FLNC: variants seen among roughly 807,000 people sequenced by gnomAD.
FLNC encodes the protein filamin C.
Under a neutral mutation model 254.3 loss-of-function variants are expected in FLNC, and 91 were observed. The ratio of observed to expected loss-of-function variants is 0.36; its 90% CI spans 0.30 to 0.43. FLNC has a LOEUF of 0.43. Ranked by LOEUF, FLNC falls within the 20% of genes least tolerant of loss-of-function variation. The pLI is 1.00. For missense variants in FLNC, 2,853 were observed against 3,802.6 expected (o/e 0.75, Z 6.57); for synonymous variants, 1,430 against 1,577.2 (o/e 0.91, Z 2.21).
In FLNC at chr7:128,850,091, C is replaced by A. The variant is rs947138277; in HGVS notation, c.5298+17C>A. On this transcript the variant is annotated intron_variant, in intron 31 of 47. Transcript: ENST00000325888. ...ACACACTGGGTACTGCGCCTCCCAC[C>A]AGGCGATGTCCTCCTCCTCCTCCCC... The A allele has an allele frequency of 6.7e-7, 1 of 1,498,560 alleles. No homozygotes were observed. The highest frequency in any genetic ancestry group is 9.0e-7 in the Non-Finnish European group (1 of 1,110,982). The allele number at this position is 1,498,560 out of a possible 1,614,324, so 92.8% of individuals were successfully genotyped here. A position where few individuals can be genotyped will look rare whatever the true frequency, so the allele number is the denominator to read the frequency against.
At chr7:128,834,154 C>A (rs1808000202) in intron 1 of FLNC, among the ~76,000 whole-genome samples, 1 of 152,242 alleles carries the variant, frequency 6.6e-6, no homozygotes, top group African/African-American at 2.4e-5. Context: ...TGTCTTCCAC[C>A]CCCTTCCAGC....
chr7:128,851,772 T>C, intron 35 of FLNC, 144 bp downstream of exon 35: 2 of 828,646 alleles, frequency 2.4e-6, no homozygotes, highest in East Asian at 2.7e-5. Flanking sequence ...TTTTGATAAA[T>C]GTAAAAACAC....
At chr7:128,848,170 C>T in intron 26 of FLNC, 102 bp downstream of exon 26, 2 of 1,406,740 alleles carry the variant, frequency 1.4e-6, no homozygotes, top group Admixed American at 2.0e-5. Context: ...GAGAGCCTCT[C>T]CCAGCTCTCA....
chr7:128,843,608 G>C, intron 18 of FLNC, 31 bp downstream of exon 18: 1 of 1,612,786 alleles, frequency 6.2e-7, no homozygotes, highest in Non-Finnish European at 8.5e-7. Context: ...GCTACCGCCC[G>C]GCCGGCCCGC....
chr7:128,849,774 C>T (rs999081116), intron 30 of FLNC, among the ~76,000 whole-genome samples, 196 bp downstream of exon 30: 3 of 152,208 alleles, frequency 2.0e-5, no homozygotes, highest in African/African-American at 7.2e-5. Context: ...GGCCCTGCCC[C>T]CTGCCCAGTG....
rs535284172 is a variant in FLNC, at chr7:128,833,610, A to G, written c.353-1716A>G. Among the ~76,000 whole-genome samples the G allele has an allele frequency of 1.2e-4, 17 of 137,882 alleles. No individual in the cohort carries two copies. The East Asian group carries it at 3.7e-3, about 30-fold the overall frequency. 90.5% of individuals were successfully genotyped at this position (137,882 alleles called of 152,430 possible). A position where few individuals can be genotyped will look rare whatever the true frequency, so the allele number is the denominator to read the frequency against. On this transcript the variant is annotated intron_variant, in intron 1 of 47. Transcript: ENST00000325888. ...AAATATGAATGACCACCCTCCCCAT[A>G]TACACACCGCCCCCCCCAACCCCTG...
chr7:128,841,059 G>T lies in FLNC; in HGVS notation c.1813+89G>T, dbSNP rs1275802282. ...TAATGGGTGCAGTGCGCATGCTGGG[G>T]AGCGCTGGGGTGAGCAGGGAGATAG... On this transcript the variant is annotated intron_variant, in intron 11 of 47. Coordinates refer to ENST00000325888, the MANE Select transcript of FLNC (RefSeq NM_001458.5). The surrounding 1 kb of genome is among the most constrained non-coding windows in gnomAD (Gnocchi z 4.3). The T allele has an allele frequency of 1.9e-6, 3 of 1,566,720 alleles. No homozygotes were observed. The highest frequency in any genetic ancestry group is 3.5e-5 in the Admixed American group (2 of 56,694).
Position 128,846,880 on chromosome 7 carries a change from C to A in FLNC, c.4263C>A (p.Ile1421=), listed in dbSNP as rs1388363531. The A allele has an allele frequency of 6.2e-7, 1 of 1,614,122 alleles. No individual in the cohort carries two copies. Among genetic ancestry groups the A allele is most frequent in the Non-Finnish European group, 8.5e-7 (1 of 1,180,036 alleles). Residue 1421 remains isoleucine, a synonymous_variant, in exon 24 of 48, where the codon ATC becomes ATA. Transcript: ENST00000325888. ...CTCCTGGAGACTATGACGTCAACAT[C>A]ACCTTCGGGGGGCGGCCCATCCCAG... ...PFTPGDYDVN[I]TFGGRPIPGS...
Position 128,849,168 on chromosome 7 carries a change from T to G in FLNC, c.4928-13T>G. ...TGAGCACCGCCTGGCCTCACACTCT[T>G]CTCTCTTTCCAGTGTCCATTGGAGG... On this transcript the variant is annotated splice_polypyrimidine_tract_variant and intron_variant, in intron 28 of 47. Transcript: ENST00000325888. 1 of 1,613,152 alleles carries G rather than the reference T, an allele frequency of 6.2e-7. No homozygotes were observed. Among genetic ancestry groups the G allele is most frequent in the Non-Finnish European group, 8.5e-7 (1 of 1,179,876 alleles).
chr7:128,851,013 C>A, intron 33 of FLNC, 70 bp downstream of exon 33: 2 of 1,584,768 alleles, frequency 1.3e-6, no homozygotes, highest in Non-Finnish European at 1.7e-6. Flanking sequence ...TCCTGCCTTC[C>A]CTCTTTCAAC....
chr7:128,842,931 A>G lies in FLNC; in HGVS notation c.2527A>G (p.Ile843Val), dbSNP rs973425855. 6 of 1,613,994 alleles carry G rather than the reference A, an allele frequency of 3.7e-6. No individual in the cohort carries two copies. In the East Asian group the frequency reaches 1.3e-4, roughly 36 times the overall value. Residue 843 changes from isoleucine (I) to valine (V), a missense_variant, in exon 16 of 48, where the codon ATC (isoleucine) becomes GTC (valine). By Grantham distance (29) the Ile-to-Val change is conservative. Around this residue, in one of 10 missense-constraint regions of FLNC, gnomAD observed 1,573 missense variants for 1,883.5 expected, o/e 0.84. Coordinates refer to ENST00000325888, the MANE Select transcript of FLNC (RefSeq NM_001458.5). This position sits in a 1 kb window ranked among gnomAD's most constrained non-coding sequence, Gnocchi z 5.4. ...YTPPGAGRYTIMVLFANQEIP... is the reference protein window; with the variant it reads ...YTPPGAGRYTVMVLFANQEIP... ...GCCACCAGGGGCGGGCCGCTACACC[A>G]TCATGGTGCTGTTTGCCAACCAGGT... is the stretch of plus-strand genomic sequence containing the variant.
At position 128,837,163 on chromosome 7, in the gene FLNC, T is replaced by C; in HGVS notation, c.605T>C (p.Leu202Pro). ...GALVDNCAPG[L>P]CPDWEAWDPN... ...TCTCCCTCCATCACCTCTCCAGGTC[T>C]CTGCCCCGACTGGGAGGCCTGGGAC... Residue 202 changes from leucine to proline, a missense_variant, in exon 3 of 48, where the codon CTC becomes CCC. Coordinates refer to ENST00000325888, the MANE Select transcript of FLNC (RefSeq NM_001458.5). 6.3e-7 allele frequency: 1 copy of C among 1,598,290 alleles called. No individual in the cohort carries two copies. The highest frequency in any genetic ancestry group is 8.5e-7 in the Non-Finnish European group (1 of 1,172,870).
In FLNC at chr7:128,844,309, G is replaced by C. The variant is rs149122601; in HGVS notation, c.3192+43G>C. ...GGTTGGGGCTGGGAGTTGGGGACTTGTTGGGAAGATAGATGAGTCATAGGG... is the reference window on the plus strand; with the variant it reads ...GGTTGGGGCTGGGAGTTGGGGACTTCTTGGGAAGATAGATGAGTCATAGGG... On this transcript the variant is annotated intron_variant, in intron 20 of 47. Transcript: ENST00000325888. 1.9e-4 allele frequency: 300 copies of C among 1,569,922 alleles called. 2 individuals are homozygous for C. Among genetic ancestry groups the C allele is most frequent in the South Asian group, 1.2e-3 (102 of 83,492 alleles).
intron 16 of FLNC, 120 bp from the exon 17 acceptor site, chr7:128,843,109 C>T: frequency 2.2e-6 from 3 of 1,360,572 alleles, no homozygotes; most frequent in Non-Finnish European, 1.0e-6. Flanking sequence ...GCAAAGGGGG[C>T]CCTTTTGGAG....
At chr7:128,855,502 C>T (rs1809018777) in intron 43 of FLNC, among the ~76,000 whole-genome samples, 188 bp downstream of exon 43, 7 of 152,234 alleles carry the variant, frequency 4.6e-5, no homozygotes, top group Admixed American at 4.6e-4. Context: ...CTTGCCCGTG[C>T]ACTCAGGCAT....
chr7:128,841,605 A>G lies in FLNC; in HGVS notation c.2121+38A>G. 2 of 1,490,050 alleles carry G rather than the reference A, an allele frequency of 1.3e-6. No individual in the cohort carries two copies. The highest frequency in any genetic ancestry group is 9.4e-7 in the Non-Finnish European group (1 of 1,066,712). 92.3% of individuals were successfully genotyped at this position (1,490,050 alleles called of 1,614,324 possible). ...CCAGTCTCTGCTGCCCTTACTACCC[A>G]TGGCAGGGACCCTGGAAGGCAGGGC... On this transcript the variant is annotated intron_variant, in intron 13 of 47. Transcript: ENST00000325888. This position sits in a 1 kb window ranked among gnomAD's most constrained non-coding sequence, Gnocchi z 4.3.
At chr7:128,834,122 G>A (rs926034676) in intron 1 of FLNC, among the ~76,000 whole-genome samples, 4 of 152,160 alleles carry the variant, frequency 2.6e-5, no homozygotes, top group African/African-American at 4.8e-5. Flanking sequence ...CCCATCTCTC[G>A]GGCAACATCA....
Position 128,847,042 on chromosome 7 carries a change from G to A in FLNC, c.4288+137G>A, listed in dbSNP as rs926470835. 43 of 1,111,980 alleles carry A rather than the reference G, an allele frequency of 3.9e-5. No homozygotes were observed. The African/African-American group carries it at 6.0e-4, about 16-fold the overall frequency. The allele number at this position is 1,111,980 out of a possible 1,614,324, so 68.9% of individuals were successfully genotyped here. The stretch of plus-strand genomic sequence containing the variant: ...CAGCCTAGAGTGGGTTGGGGCCGGA[G>A]CCCGGCCAGAGGGAGGACGTGGAGG... On this transcript the variant is annotated intron_variant, in intron 24 of 47. Transcript: ENST00000325888.
At chr7:128,838,195 C>G in intron 6 of FLNC, 72 bp from the exon 7 acceptor site, 1 of 1,549,638 alleles carries the variant, frequency 6.5e-7, no homozygotes, top group South Asian at 1.1e-5. Flanking sequence ...CCTCCTTGGC[C>G]TGGCTGTGCC....
Sources: allele counts gnomAD v4.1 joint callset (sites outside exome capture counted in the v4.1 genomes callset), GRCh38; gene constraint gnomAD v4.1.1; regional missense constraint gnomAD v4.1.1; non-coding constraint Gnocchi (gnomAD v3.1); transcripts MANE v1.5; gene names NCBI Gene and HGNC (gene_info 2026-07-23, HGNC 2026-07-21).